The following SLC20A2 variants were observed in gnomAD, a reference collection of about 807,000 sequenced individuals.
SLC20A2 encodes solute carrier family 20 member 2, also known as sodium-dependent phosphate transporter 2.
Under a neutral mutation model 61.0 loss-of-function variants are expected in SLC20A2, and 30 were observed. The ratio of observed to expected loss-of-function variants is 0.49; its 90% CI spans 0.37 to 0.67. The LOEUF is 0.67. SLC20A2 is among the 30% of genes least tolerant of loss of function. SLC20A2 has a pLI of 0.00. For missense variants in SLC20A2, 626 were observed against 866.4 expected, an observed-to-expected ratio of 0.72 and a Z score of 3.48; for synonymous variants, 351 against 353.3, an observed-to-expected ratio of 0.99 and a Z score of 0.07.
chr8:42,509,711 G>C (rs1810924262), intron 1 of SLC20A2, among the ~76,000 whole-genome samples: 1 of 152,112 alleles, frequency 6.6e-6, no homozygotes, highest in African/African-American at 2.4e-5. Flanking sequence ...TTATGATTGT[G>C]CCAATGCATT....
In SLC20A2 at chr8:42,459,881, C is replaced by A. The variant is rs776256500; in HGVS notation, c.613+15G>T. 1.7e-5 allele frequency: 27 copies of A among 1,577,650 alleles called. No homozygotes were observed. Among genetic ancestry groups the A allele is most frequent in the Non-Finnish European group, 1.5e-5 (17 of 1,148,712 alleles). On this transcript the variant is annotated intron_variant, in intron 5 of 10. Transcript: ENST00000520262. ...TGCACTTTGCCCCTGGAGTATGCTT[C>A]CAAGGGATCCTTACCTGGTGCTCCT...
chr8:42,533,576 C>A (rs1405724700), intron 1 of SLC20A2, among the ~76,000 whole-genome samples: 1 of 151,370 alleles, frequency 6.6e-6, no homozygotes, highest in South Asian at 2.1e-4. Flanking sequence ...TTATATTTAC[C>A]GAGATTGCGT....
intron 5 of SLC20A2, among the ~76,000 whole-genome samples, chr8:42,455,257 TAGAGAGAG>T (rs71548583): frequency 0.057 from 4,632 of 81,514 alleles, 222 homozygotes; most frequent in Admixed American, 0.098. Flanking sequence ...TATATATATA[TAGAGAGAG>T]AGAGAGAGAG....
chr8:42,541,760 G>GGCCCC (rs900700196), intron 1 of SLC20A2: 1 of 148,954 alleles, frequency 6.7e-6, no homozygotes, highest in African/African-American at 2.4e-5. Context: ...CGCGTCACCC[G>GGCCCC]GCCCCGCCCC....
rs1284064438 is a variant in SLC20A2 at position 42,430,244 on chromosome 8, G to A, written c.1529C>T (p.Ala510Val). The A allele has an allele frequency of 1.2e-6, 2 of 1,608,628 alleles. No homozygotes were observed. Among genetic ancestry groups the A allele is most frequent in the Non-Finnish European group, 1.7e-6 (2 of 1,178,186 alleles). The change falls in exon 9 of 11, where the codon GCC becomes GTC. Residue 510 changes from alanine to valine, a missense_variant. By Grantham distance (64) the Ala-to-Val change is moderately conservative. This residue lies in a region of SLC20A2 where 138 missense variants were observed against 228.7 expected (regional missense o/e 0.60). Coordinates refer to ENST00000520262, the MANE Select transcript of SLC20A2 (RefSeq NM_001257180.2). Reference protein sequence around the residue: ...FAHGGNDVSNAIGPLVALWLI... With the variant: ...FAHGGNDVSNVIGPLVALWLI... ...CCACAAGGCTACCAGGGGACCGATG[G>A]CATTACTGGGAAAAATAAAAAGAGA...
At chr8:42,433,747 C>CCATT (rs577999149) in intron 8 of SLC20A2, among the ~76,000 whole-genome samples, 4 of 152,220 alleles carry the variant, frequency 2.6e-5, no homozygotes, top group Non-Finnish European at 5.9e-5. Context: ...TAATTTGTTT[C>CCATT]CATTCACCTG....
chr8:42,516,658 C>T (rs557167710), intron 1 of SLC20A2, among the ~76,000 whole-genome samples: 2 of 152,348 alleles, frequency 1.3e-5, no homozygotes, highest in South Asian at 4.1e-4. Context: ...ATAAGGGCTG[C>T]TACCACTTTC....
intron 1 of SLC20A2, among the ~76,000 whole-genome samples, chr8:42,523,042 T>C (rs1811686831): frequency 6.6e-6 from 1 of 151,728 alleles, no homozygotes. Context: ...GTTTTAAAAG[T>C]AGCTTAGAGG....
chr8:42,535,290 G>A (rs896612899), intron 1 of SLC20A2: 1 of 151,676 alleles, frequency 6.6e-6, no homozygotes, highest in Non-Finnish European at 1.5e-5. Context: ...GCTGAAACTA[G>A]GTTTATCTCT....
chr8:42,468,447 G>A (rs1807361239), intron 2 of SLC20A2, among the ~76,000 whole-genome samples: 1 of 152,194 alleles, frequency 6.6e-6, no homozygotes, highest in African/African-American at 2.4e-5. Context: ...AGCTGAGGGA[G>A]GGCCTGGTGG....
chr8:42,524,237 G>T (rs1231994923), intron 1 of SLC20A2, among the ~76,000 whole-genome samples: 1 of 152,168 alleles, frequency 6.6e-6, no homozygotes, highest in Non-Finnish European at 1.5e-5. Context: ...TTTAAGATAT[G>T]AAAATGGTAT....
intron 1 of SLC20A2, among the ~76,000 whole-genome samples, chr8:42,537,044 C>T (rs921594457): frequency 1.5e-4 from 22 of 151,168 alleles, no homozygotes; most frequent in African/African-American, 2.9e-4. Flanking sequence ...TGCTGCACTC[C>T]GGCCTGGGCA....
Position 42,437,323 on chromosome 8 carries a change from G to A in SLC20A2, c.1189C>T (p.Pro397Ser). ...GCAGCTCGAAAGGTGGCGTGCACTG[G>A]CAGCCCACAAATGGCTGCGGTGTAG... ...TCYTAAICGLPVHATFRAADS... is the reference protein window; with the variant it reads ...TCYTAAICGLSVHATFRAADS... Residue 397 changes from proline to serine, a missense_variant, in exon 8 of 11, where the codon CCA (proline) becomes TCA (serine). Transcript: ENST00000520262. This position sits in a 1 kb window ranked among gnomAD's most constrained non-coding sequence, Gnocchi z 6.4. The A allele has an allele frequency of 6.2e-7, 1 of 1,614,146 alleles. No homozygotes were observed. The highest frequency in any genetic ancestry group is 1.1e-5 in the South Asian group (1 of 91,082).
In SLC20A2 at chr8:42,437,336, G is replaced by A. The variant is rs377708700; in HGVS notation, c.1176C>T (p.Ala392=). ...TGGCGTGCACTGGCAGCCCACAAAT[G>A]GCTGCGGTGTAGCAGGTGTAACTGT... ...RNNSYTCYTA[A]ICGLPVHATF... Residue 392 remains alanine, a synonymous_variant, in exon 8 of 11, where the codon GCC becomes GCT. Coordinates refer to ENST00000520262, the MANE Select transcript of SLC20A2 (RefSeq NM_001257180.2). The surrounding 1 kb of genome is among the most constrained non-coding windows in gnomAD (Gnocchi z 6.4). The A allele has an allele frequency of 1.9e-6, 3 of 1,614,072 alleles. No homozygotes were observed. In the African/African-American group the frequency reaches 4.0e-5, roughly 22 times the overall value.
rs115388734 is a variant in SLC20A2, at chr8:42,471,625, G to A, written c.289+477C>T. Among the ~76,000 whole-genome samples the A allele has an allele frequency of 8.4e-3, 1,272 of 152,210 alleles. 18 individuals are homozygous for A. Among genetic ancestry groups the A allele is most frequent in the African/African-American group, 0.028 (1,180 of 41,528 alleles). On this transcript the variant is annotated intron_variant, in intron 2 of 10. Coordinates refer to ENST00000520262, the MANE Select transcript of SLC20A2 (RefSeq NM_001257180.2). ...TGGTAACTTCTTTAGAACTTAAACT[G>A]TGAATATAAAAGTTAGACTAATAAA...
chr8:42,509,504 C>CA (rs1280783453), intron 1 of SLC20A2, among the ~76,000 whole-genome samples: 1 of 151,922 alleles, frequency 6.6e-6, no homozygotes, highest in East Asian at 1.9e-4. Context: ...AGGCCAAGGA[C>CA]ATAGCATTGC....
chr8:42,417,854 G>A lies in SLC20A2; in HGVS notation c.1908C>T (p.Phe636=). Residue 636 remains phenylalanine (F), a synonymous_variant, in exon 11 of 11, where the codon TTC becomes TTT. Transcript: ENST00000520262. ...TGAGAAGAGCCATGACAGCAGCGCT[G>A]AACAGCCCAGCCACAGGGACGGTCA... The part of the protein sequence containing the change: ...WFVTVPVAGL[F]SAAVMALLMY... 1 of 1,614,100 alleles carries A rather than the reference G, an allele frequency of 6.2e-7. No homozygotes were observed. Among genetic ancestry groups the A allele is most frequent in the Non-Finnish European group, 8.5e-7 (1 of 1,180,008 alleles).
intron 1 of SLC20A2, among the ~76,000 whole-genome samples, chr8:42,489,669 T>TC (rs1412863119): frequency 6.6e-6 from 1 of 152,196 alleles, no homozygotes; most frequent in Admixed American, 6.5e-5. Flanking sequence ...ACTCAGATTT[T>TC]CCCCTTGTTT....
chr8:42,465,380 C>T (rs1200883052), intron 3 of SLC20A2, among the ~76,000 whole-genome samples: 1 of 151,474 alleles, frequency 6.6e-6, no homozygotes, highest in Non-Finnish European at 1.5e-5. Context: ...TAAACCTTAA[C>T]ATTTGAAGAA....
Sources: allele counts gnomAD v4.1 joint callset (sites outside exome capture counted in the v4.1 genomes callset), GRCh38; gene constraint gnomAD v4.1.1; regional missense constraint gnomAD v4.1.1; non-coding constraint Gnocchi (gnomAD v3.1); transcripts MANE v1.5; gene names NCBI Gene and HGNC (gene_info 2026-07-23, HGNC 2026-07-21).